Variants in C7 observed in about 807,000 individuals in gnomAD.
The protein encoded by C7 is complement component C7.
Under a neutral mutation model 104.8 loss-of-function variants are expected in C7, and 83 were observed. The observed-to-expected ratio is 0.79, with a 90% confidence interval of 0.66 to 0.95. The LOEUF is 0.95. Ranked by LOEUF, C7 falls within the 40% of genes least tolerant of loss-of-function variation. C7 has a pLI of 0.00. For synonymous variants in C7, 415 were observed against 360.6 expected (o/e 1.15, Z -1.71); for missense variants, 1,070 against 1,011.2 (o/e 1.06, Z -0.79).
In C7 at chr5:40,972,677, A is replaced by G. The variant is rs950347944; in HGVS notation, c.2074+83A>G. On this transcript the variant is annotated intron_variant, in intron 15 of 17. Coordinates refer to ENST00000313164, the MANE Select transcript of C7 (RefSeq NM_000587.4). The stretch of plus-strand genomic sequence containing the variant: ...GTGGCGACCTTCATGGTACTGTATC[A>G]CCATAGCTGTGAGTCATTCCCTCCA... The G allele has an allele frequency of 8.2e-5, 89 of 1,085,534 alleles. 1 individual carries two copies. In the South Asian group the frequency reaches 1.4e-3, roughly 17 times the overall value. 67.2% of individuals were successfully genotyped at this position (1,085,534 alleles called of 1,614,324 possible).
At chr5:40,945,548 A>T (rs1202991411) in intron 7 of C7, among the ~76,000 whole-genome samples, 180 bp downstream of exon 7, 2 of 152,068 alleles carry the variant, frequency 1.3e-5, no homozygotes, top group Non-Finnish European at 2.9e-5. Flanking sequence ...GTCTCATTAA[A>T]TCTCTTTGAT....
At chr5:40,943,531 G>C (rs943255286) in intron 6 of C7, among the ~76,000 whole-genome samples, 34 of 151,742 alleles carry the variant, frequency 2.2e-4, no homozygotes, top group South Asian at 1.3e-3. Flanking sequence ...TATTTGAATT[G>C]TGGATATAAA....
At chr5:40,927,320 C>T (rs1251877786) in intron 1 of C7, among the ~76,000 whole-genome samples, 1 of 151,952 alleles carries the variant, frequency 6.6e-6, no homozygotes, top group Non-Finnish European at 1.5e-5. Context: ...AAGGGAAAAA[C>T]TGTATTTTTC....
intron 15 of C7, among the ~76,000 whole-genome samples, chr5:40,976,015 A>T (rs3792648): frequency 0.091 from 13,808 of 152,308 alleles, 864 homozygotes; most frequent in East Asian, 0.19. Context: ...GATGGCAGTC[A>T]CATTATGCTC....
At chr5:40,978,126 C>T (rs761761785) in intron 16 of C7, among the ~76,000 whole-genome samples, 23 of 133,640 alleles carry the variant, frequency 1.7e-4, no homozygotes, top group Non-Finnish European at 2.5e-4. Flanking sequence ...CAGAGCCAGA[C>T]CCTATCTCAA....
intron 1 of C7, among the ~76,000 whole-genome samples, chr5:40,923,959 C>T (rs1437173972): frequency 6.6e-6 from 1 of 151,996 alleles, no homozygotes; most frequent in East Asian, 1.9e-4. Flanking sequence ...ACCATTCCAC[C>T]CCTGGCCCCC....
chr5:40,930,029 T>C (rs755227001), intron 2 of C7, among the ~76,000 whole-genome samples: 2 of 152,142 alleles, frequency 1.3e-5, no homozygotes, highest in African/African-American at 2.4e-5. Flanking sequence ...CATATTTACA[T>C]ATGTTTTCAC....
chr5:40,971,949 C>T, intron 14 of C7: 1 of 414,142 alleles, frequency 2.4e-6, no homozygotes, highest in South Asian at 1.8e-5. Context: ...CAAGACAGAC[C>T]CTGTCCCTAA....
chr5:40,959,484 T>C lies in C7; in HGVS notation c.1525T>C (p.Trp509Arg), dbSNP rs1383866864. 1 of 1,611,324 alleles carries C rather than the reference T, an allele frequency of 6.2e-7. No individual in the cohort carries two copies. The highest frequency in any genetic ancestry group is 8.5e-7 in the Non-Finnish European group (1 of 1,179,266). ...TGGAGGTTGGAGTTGCTGGTCCTCT[T>C]GGAGCCCCTGTGTCCAAGGGAAGAA... ...VDGGWSCWSSWSPCVQGKKTR... is the reference protein window; with the variant it reads ...VDGGWSCWSSRSPCVQGKKTR... The change falls in exon 12 of 18, where the codon TGG becomes CGG. Residue 509 changes from tryptophan (W) to arginine (R), a missense_variant. Transcript: ENST00000313164.
chr5:40,958,833 G>A lies in C7; in HGVS notation c.1489+572G>A, dbSNP rs550412027. Among the ~76,000 whole-genome samples, 74 of 152,190 alleles carry A rather than the reference G, an allele frequency of 4.9e-4. 1 individual carries two copies. Among genetic ancestry groups the A allele is most frequent in the Admixed American group, 1.2e-3 (18 of 15,268 alleles). On this transcript the variant is annotated intron_variant, in intron 11 of 17. Transcript: ENST00000313164. ...TGTACATGTCTGTCTCTTCTAGAAC[G>A]CTCATTACTTAAGGTCAGGGCTGTT... is the stretch of plus-strand genomic sequence containing the variant.
At chr5:40,933,385 G>A (rs1212739135) in intron 3 of C7, among the ~76,000 whole-genome samples, 1 of 152,198 alleles carries the variant, frequency 6.6e-6, no homozygotes, top group African/African-American at 2.4e-5. Context: ...GAGAAGAGGT[G>A]AGTAGAGGAA....
At chr5:40,964,513 AG>A (rs1370872843) in intron 13 of C7, 2 of 367,166 alleles carry the variant, frequency 5.4e-6, no homozygotes, top group Admixed American at 9.2e-5. Flanking sequence ...GTATTTTGGG[AG>A]CAATCAATAC....
chr5:40,969,172 A>T (rs1398663597), intron 14 of C7, among the ~76,000 whole-genome samples: 2 of 152,094 alleles, frequency 1.3e-5, no homozygotes, highest in Non-Finnish European at 2.9e-5. Context: ...TTTCACTTAA[A>T]ATATAGTTTT....
Position 40,972,558 on chromosome 5 carries a change from A to G in C7, c.2038A>G (p.Ser680Gly). ...AFLCGSSLKW[S>G]PEMKNARCVQ... ...TCTCTGTGGCTCCAGCCTTAAGTGG[A>G]GTCCTGAGATGAAGAATGCCCGCTG... Residue 680 changes from serine (S) to glycine (G), a missense_variant, in exon 15 of 18, where the codon AGT (serine) becomes GGT (glycine). Physicochemically the swap from Ser to Gly is moderately conservative, Grantham distance 56. Coordinates refer to ENST00000313164, the MANE Select transcript of C7 (RefSeq NM_000587.4). 1 of 1,611,494 alleles carries G rather than the reference A, an allele frequency of 6.2e-7. No individual in the cohort carries two copies. Among genetic ancestry groups the G allele is most frequent in the Non-Finnish European group, 8.5e-7 (1 of 1,178,758 alleles).
intron 1 of C7, among the ~76,000 whole-genome samples, chr5:40,922,722 T>C (rs961073896): frequency 3.6e-5 from 5 of 138,622 alleles, no homozygotes; most frequent in Non-Finnish European, 7.8e-5. Flanking sequence ...AGAACATACA[T>C]TGGGGAAAGG....
At chr5:40,969,955 T>G (rs1010636800) in intron 14 of C7, among the ~76,000 whole-genome samples, 3 of 152,020 alleles carry the variant, frequency 2.0e-5, no homozygotes, top group Admixed American at 6.6e-5. Context: ...CTATTTTTTT[T>G]GTCTTGGTAG....
Position 40,984,475 on chromosome 5 carries a change from C to T in C7, c.*2902C>T, listed in dbSNP as rs1372056648. 1.3e-5 allele frequency among the ~76,000 whole-genome samples: 2 copies of T among 152,172 alleles called. No homozygotes were observed. The highest frequency in any genetic ancestry group is 2.1e-4 in the South Asian group (1 of 4,832). On this transcript the variant is annotated 3_prime_UTR_variant, in exon 18 of 18. Coordinates refer to ENST00000313164, the MANE Select transcript of C7 (RefSeq NM_000587.4). ...GAACCATCTAGTTGTTTTGTAACTG[C>T]TAAGAGCTGCAAGTGCTGAGCAGCT...
intron 16 of C7, among the ~76,000 whole-genome samples, 181 bp from the exon 17 acceptor site, chr5:40,979,544 T>C (rs1740893171): frequency 6.6e-6 from 1 of 152,030 alleles, no homozygotes; most frequent in Non-Finnish European, 1.5e-5. Flanking sequence ...TATCTTCATT[T>C]TGAAGACCTA....
intron 6 of C7, 102 bp downstream of exon 6, chr5:40,937,792 T>A (rs1315095559): frequency 4.2e-6 from 4 of 950,686 alleles, no homozygotes. Context: ...TATGGCCTAA[T>A]GTGTGGTCAA....
Sources: gnomAD v4.1 joint callset for allele counts (sites outside exome capture counted in the v4.1 genomes callset) on GRCh38, gnomAD v4.1.1 for gene constraint, MANE v1.5 for transcripts, NCBI Gene and HGNC (gene_info 2026-07-23, HGNC 2026-07-21) for gene names.